Variants in LRRC20 observed in about 807,000 individuals in gnomAD.
The protein encoded by LRRC20 is leucine-rich repeat-containing protein 20.
Under a neutral mutation model 14.4 loss-of-function variants are expected in LRRC20, and 11 were observed. The ratio of observed to expected loss-of-function variants is 0.77; its 90% confidence interval spans 0.48 to 1.27. The LOEUF (loss-of-function observed/expected upper bound fraction) is 1.27. Among genes scored for constraint, LRRC20 ranks in the 50% most tolerant of loss-of-function variants. LRRC20 has a pLI of 0.00. For synonymous variants in LRRC20, 121 were observed against 107.3 expected, an observed-to-expected ratio of 1.13 and a Z score of -0.79; for missense variants, 219 against 251.2, an observed-to-expected ratio of 0.87 and a Z score of 0.87.
At chr10:70,361,075 G>A (rs1407335483) in intron 2 of LRRC20, among the ~76,000 whole-genome samples, 1 of 151,532 alleles carries the variant, frequency 6.6e-6, no homozygotes, top group Non-Finnish European at 1.5e-5. Flanking sequence ...GAGAGAGAGA[G>A]AGAAAGAGAG....
chr10:70,304,824 A>G (rs1841358023), intron 4 of LRRC20, among the ~76,000 whole-genome samples: 2 of 152,184 alleles, frequency 1.3e-5, no homozygotes, highest in African/African-American at 4.8e-5. Context: ...GCCACTGAGC[A>G]TAATGTCCTC....
At chr10:70,311,221 C>CTTTTTTTTTTTTT (rs1491407192) in intron 4 of LRRC20, among the ~76,000 whole-genome samples, 2 of 120,590 alleles carry the variant, frequency 1.7e-5, no homozygotes, top group East Asian at 3.0e-4. Flanking sequence ...TTCAACATTC[C>CTTTTTTTTTTTTT]ATTTTTTTTT....
intron 2 of LRRC20, among the ~76,000 whole-genome samples, chr10:70,359,098 G>T (rs1843628407): frequency 6.6e-6 from 1 of 152,160 alleles, no homozygotes; most frequent in Non-Finnish European, 1.5e-5. Context: ...TGGTTTTACT[G>T]CAGCCTGAAA....
Position 70,376,600 on chromosome 10 carries a change from G to A in LRRC20, c.-63-4C>T. ...CTTCTCACAAAAGGGCCTGAGCCTG[G>A]GGAAGACGCAGTGCCATGAAGTGCC... On this transcript the variant is annotated splice_polypyrimidine_tract_variant and splice_region_variant and intron_variant, in intron 1 of 4. Transcript: ENST00000446961. 1 of 1,511,508 alleles carries A rather than the reference G, an allele frequency of 6.6e-7. No individual in the cohort carries two copies. The highest frequency in any genetic ancestry group is 9.1e-7 in the Non-Finnish European group (1 of 1,096,218). The allele number at this position is 1,511,508 out of a possible 1,614,324, so 93.6% of individuals were successfully genotyped here. A position where few individuals can be genotyped will look rare whatever the true frequency, so the allele number is the denominator to read the frequency against.
At chr10:70,335,221 C>T (rs529160306) in intron 3 of LRRC20, among the ~76,000 whole-genome samples, 1 of 152,184 alleles carries the variant, frequency 6.6e-6, no homozygotes, top group African/African-American at 2.4e-5. Context: ...GCCACGAGCC[C>T]CAGGGAACTT....
At chr10:70,353,574 C>A (rs1012920588) in intron 2 of LRRC20, among the ~76,000 whole-genome samples, 2 of 152,102 alleles carry the variant, frequency 1.3e-5, no homozygotes, top group Non-Finnish European at 2.9e-5. Flanking sequence ...TGCACCACCA[C>A]GCCCAACTAA....
At chr10:70,301,889 A>C (rs1841203245) in intron 4 of LRRC20, among the ~76,000 whole-genome samples, 1 of 152,220 alleles carries the variant, frequency 6.6e-6, no homozygotes, top group Non-Finnish European at 1.5e-5. Flanking sequence ...CCAATAGATG[A>C]ATGGATAAAC....
chr10:70,334,212 C>A (rs1300224302), intron 3 of LRRC20, among the ~76,000 whole-genome samples: 1 of 151,612 alleles, frequency 6.6e-6, no homozygotes, highest in Non-Finnish European at 1.5e-5. Flanking sequence ...ATGCTACAAC[C>A]AAACCTAAGC....
chr10:70,360,626 G>T (rs1340788221), intron 2 of LRRC20, among the ~76,000 whole-genome samples: 1 of 151,940 alleles, frequency 6.6e-6, no homozygotes, highest in Non-Finnish European at 1.5e-5. Context: ...TTTTTTTGTA[G>T]AGACAGTGGT....
intron 2 of LRRC20, among the ~76,000 whole-genome samples, chr10:70,365,793 G>A (rs1228277955): frequency 2.0e-5 from 3 of 152,196 alleles, no homozygotes; most frequent in South Asian, 2.1e-4. Context: ...TGGATAGGCC[G>A]GGTGTGGTGG....
intron 2 of LRRC20, among the ~76,000 whole-genome samples, chr10:70,373,594 A>G (rs1050695828): frequency 2.0e-5 from 3 of 152,212 alleles, no homozygotes; most frequent in African/African-American, 7.2e-5. Context: ...TCTCTGGCCA[A>G]TGCACAGATG....
chr10:70,351,549 C>G lies in LRRC20; in HGVS notation c.83-10847G>C, dbSNP rs114655306. Among the ~76,000 whole-genome samples the G allele has an allele frequency of 1.8e-3, 276 of 152,312 alleles. 1 individual carries two copies. The highest frequency in any genetic ancestry group is 6.2e-3 in the African/African-American group (259 of 41,580). On this transcript the variant is annotated intron_variant, in intron 2 of 4. Transcript: ENST00000446961. ...GCTGCCCTCTCTTCTGCATGGCAAT[C>G]CTTCACATAAATGATGACAAAGGAC... is the stretch of plus-strand genomic sequence containing the variant.
chr10:70,354,828 A>T (rs1843463022), intron 2 of LRRC20, among the ~76,000 whole-genome samples: 2 of 152,252 alleles, frequency 1.3e-5, no homozygotes, highest in South Asian at 4.1e-4. Flanking sequence ...TGCTTCTGGT[A>T]CTCAGAGGCA....
Position 70,301,053 on chromosome 10 carries a change from A to C in LRRC20, c.*301T>G. 4.3e-6 allele frequency: 5 copies of C among 1,157,978 alleles called. No homozygotes were observed. Among genetic ancestry groups the C allele is most frequent in the African/African-American group, 1.6e-5 (1 of 62,702 alleles). The allele number at this position is 1,157,978 out of a possible 1,614,324, so 71.7% of individuals were successfully genotyped here. A position where few individuals can be genotyped will look rare whatever the true frequency, so the allele number is the denominator to read the frequency against. ...ACCTCCAGGGAGCCCAAAGGAGGGAAAGGGTCCTGTTTTTTTCAAGTGACA... is the reference window on the plus strand; with the variant it reads ...ACCTCCAGGGAGCCCAAAGGAGGGACAGGGTCCTGTTTTTTTCAAGTGACA... On this transcript the variant is annotated 3_prime_UTR_variant, in exon 5 of 5. Coordinates refer to ENST00000446961, the MANE Select transcript of LRRC20 (RefSeq NM_001278212.2).
chr10:70,301,068 T>C lies in LRRC20; in HGVS notation c.*286A>G. 4.2e-6 allele frequency: 5 copies of C among 1,202,198 alleles called. No homozygotes were observed. Among genetic ancestry groups the C allele is most frequent in the African/African-American group, 1.6e-5 (1 of 63,846 alleles). 74.5% of individuals were successfully genotyped at this position (1,202,198 alleles called of 1,614,324 possible). A position where few individuals can be genotyped will look rare whatever the true frequency, so the allele number is the denominator to read the frequency against. On this transcript the variant is annotated 3_prime_UTR_variant, in exon 5 of 5. Coordinates refer to ENST00000446961, the MANE Select transcript of LRRC20 (RefSeq NM_001278212.2). ...AAAGGAGGGAAAGGGTCCTGTTTTT[T>C]TCAAGTGACAAGGCTCAGAGAGGGC...
intron 2 of LRRC20, among the ~76,000 whole-genome samples, chr10:70,366,496 A>G (rs1844006193): frequency 1.3e-5 from 2 of 152,174 alleles, no homozygotes; most frequent in African/African-American, 4.8e-5. Flanking sequence ...TGTAAATTAA[A>G]ACTACAATGA....
chr10:70,330,895 A>G (rs532723847), intron 3 of LRRC20, among the ~76,000 whole-genome samples: 83 of 152,330 alleles, frequency 5.4e-4, no homozygotes, highest in African/African-American at 1.9e-3. Context: ...ACAGCCTCTT[A>G]GCATTAGCTG....
At chr10:70,312,601 G>A (rs1474745301) in intron 4 of LRRC20, among the ~76,000 whole-genome samples, 1 of 152,214 alleles carries the variant, frequency 6.6e-6, no homozygotes, top group African/African-American at 2.4e-5. Flanking sequence ...AAAAAGCTGG[G>A]TGGACTGGAG....
intron 3 of LRRC20, among the ~76,000 whole-genome samples, chr10:70,330,323 G>T (rs1842489126): frequency 6.6e-6 from 1 of 152,076 alleles, no homozygotes; most frequent in Non-Finnish European, 1.5e-5. Context: ...TTTCATCTTG[G>T]CTGAGTTTTA....
Sources: allele counts gnomAD v4.1 joint callset (sites outside exome capture counted in the v4.1 genomes callset), GRCh38; gene constraint gnomAD v4.1.1; transcripts MANE v1.5; gene names NCBI Gene and HGNC (gene_info 2026-07-23, HGNC 2026-07-21).